Variants in TSPAN11 observed in about 807,000 individuals in gnomAD.
The protein encoded by TSPAN11 is tetraspanin-11.
Under a neutral mutation model 32.9 loss-of-function variants are expected in TSPAN11, and 29 were observed. That is an observed-to-expected ratio of 0.88 (90% CI 0.66 to 1.20). The LOEUF (loss-of-function observed/expected upper bound fraction) is 1.20, where lower values mean the gene tolerates loss of function less well. Ranked by LOEUF, TSPAN11 falls within the 50% of genes most tolerant of loss-of-function variation. The pLI is 0.00. For missense variants in TSPAN11, 283 were observed against 329.1 expected, an observed-to-expected ratio of 0.86 and a Z score of 1.08; for synonymous variants, 140 against 141.3, an observed-to-expected ratio of 0.99 and a Z score of 0.07.
In TSPAN11 at chr12:30,972,768, C is replaced by T. The variant is rs539579738; in HGVS notation, c.277-5793C>T. Among the ~76,000 whole-genome samples the T allele has an allele frequency of 1.6e-4, 23 of 141,296 alleles. 1 individual carries two copies. In the East Asian group the frequency reaches 3.4e-3, roughly 21 times the overall value. 92.7% of individuals were successfully genotyped at this position (141,296 alleles called of 152,430 possible). On this transcript the variant is annotated intron_variant, in intron 3 of 7. Coordinates refer to ENST00000546076, the MANE Select transcript of TSPAN11 (RefSeq NM_001370302.1). ...GGGAGGAGCAGGTGAAAGTTGCTCT[C>T]GTGCCATTCTTGGCAAAGAGGAAAG...
chr12:30,977,467 TG>T (rs1373640595), intron 3 of TSPAN11, among the ~76,000 whole-genome samples: 1 of 152,200 alleles, frequency 6.6e-6, no homozygotes, highest in African/African-American at 2.4e-5. Flanking sequence ...GGGGGCAGCC[TG>T]GGTGGCAGGT....
At chr12:30,986,992 T>G (rs1314913217) in intron 7 of TSPAN11, among the ~76,000 whole-genome samples, 1 of 152,202 alleles carries the variant, frequency 6.6e-6, no homozygotes, top group Non-Finnish European at 1.5e-5. Context: ...GCATTTCTGG[T>G]CTGTTGTATG....
the TSPAN11 span, among the ~76,000 whole-genome samples, chr12:31,013,404 C>G: frequency 1.3e-4 from 20 of 150,222 alleles, no homozygotes; most frequent in South Asian, 2.2e-4. Context: ...AGACTCCTAT[C>G]TCTACCAAAA....
rs1386973489 is a variant in TSPAN11, at chr12:30,982,628, T to G, written c.553T>G (p.Cys185Gly). The G allele has an allele frequency of 1.2e-6, 2 of 1,612,362 alleles. No homozygotes were observed. Among genetic ancestry groups the G allele is most frequent in the Non-Finnish European group, 1.7e-6 (2 of 1,179,548 alleles). ...GGGCCGCCAGGTGCCCGACAGCTGCTGCAAGACAGTGGTGGTGCGCTGCGG... is the reference window on the plus strand; with the variant it reads ...GGGCCGCCAGGTGCCCGACAGCTGCGGCAAGACAGTGGTGGTGCGCTGCGG... ...AEGRQVPDSC[C>G]KTVVVRCGQR... The change falls in exon 6 of 8, where the codon TGC becomes GGC. Residue 185 changes from cysteine (C) to glycine (G), a missense_variant. By Grantham distance (159) the Cys-to-Gly change is radical. Coordinates refer to ENST00000546076, the MANE Select transcript of TSPAN11 (RefSeq NM_001370302.1).
At chr12:30,931,965 G>A (rs1029919755) in intron 1 of TSPAN11, among the ~76,000 whole-genome samples, 1 of 149,172 alleles carries the variant, frequency 6.7e-6, no homozygotes, top group African/African-American at 2.5e-5. Flanking sequence ...AGCAACGAGT[G>A]CAAAGCTTGG....
downstream of TSPAN11, among the ~76,000 whole-genome samples, chr12:30,998,757 G>C (rs754129617): frequency 1.3e-5 from 2 of 152,212 alleles, no homozygotes; most frequent in Non-Finnish European, 2.9e-5. Flanking sequence ...TAATGTTCCC[G>C]TGATGGGGAT....
At chr12:31,007,731 C>T in the TSPAN11 span, among the ~76,000 whole-genome samples, 1 of 152,188 alleles carries the variant, frequency 6.6e-6, no homozygotes, top group African/African-American at 2.4e-5. Flanking sequence ...AATGGGAAGA[C>T]TTTTTTGTTT....
chr12:30,935,147 G>A (rs1938017123), intron 1 of TSPAN11, among the ~76,000 whole-genome samples: 1 of 152,058 alleles, frequency 6.6e-6, no homozygotes, highest in Admixed American at 6.5e-5. Flanking sequence ...GCGGAGAGGT[G>A]AGCAAACAGC....
intron 3 of TSPAN11, 67 bp from the exon 4 acceptor site, chr12:30,978,492 CTG>C (rs2065312623): frequency 5.4e-6 from 8 of 1,473,388 alleles, no homozygotes; most frequent in African/African-American, 1.4e-5. Flanking sequence ...ACCCCCACCA[CTG>C]TGGGGAAACA....
the TSPAN11 span, among the ~76,000 whole-genome samples, chr12:31,016,452 GA>G: frequency 1.3e-5 from 2 of 151,738 alleles, no homozygotes; most frequent in African/African-American, 2.4e-5. Context: ...AAAGCTGGTA[GA>G]AAGAAAAGAA....
At chr12:31,008,033 A>C in the TSPAN11 span, among the ~76,000 whole-genome samples, 1 of 152,172 alleles carries the variant, frequency 6.6e-6, no homozygotes, top group Non-Finnish European at 1.5e-5. Flanking sequence ...CCCTGGAACC[A>C]CAGAGAGGCA....
the TSPAN11 span, chr12:31,015,772 C>G: frequency 1.6e-4 from 24 of 152,216 alleles, no homozygotes; most frequent in Admixed American, 2.6e-4. The surrounding 1 kb of genome is among the most constrained non-coding windows in gnomAD (Gnocchi z 4.9). Context: ...ATAAAGCCAG[C>G]AGCCATGTCC....
At chr12:30,927,341 C>A (rs185385061) in intron 1 of TSPAN11, among the ~76,000 whole-genome samples, 2 of 152,320 alleles carry the variant, frequency 1.3e-5, no homozygotes, top group Admixed American at 1.3e-4. Context: ...GTTTTCGTGC[C>A]CATCCCTGCA....
chr12:30,961,038 A>G (rs1415721646), intron 2 of TSPAN11, among the ~76,000 whole-genome samples: 2 of 151,428 alleles, frequency 1.3e-5, no homozygotes, highest in Non-Finnish European at 2.9e-5. Flanking sequence ...GGAAAAAAAA[A>G]AAAAAGAAAA....
chr12:30,942,310 C>A (rs1938182753), intron 1 of TSPAN11, among the ~76,000 whole-genome samples: 1 of 152,164 alleles, frequency 6.6e-6, no homozygotes, highest in African/African-American at 2.4e-5. Flanking sequence ...CAAAGCCAGC[C>A]CAGCATCATC....
chr12:30,958,174 A>T (rs1938538109), intron 2 of TSPAN11, among the ~76,000 whole-genome samples: 1 of 152,066 alleles, frequency 6.6e-6, no homozygotes, highest in Admixed American at 6.5e-5. Context: ...AGTAAGACTC[A>T]TGAGATTTTG....
At chr12:30,962,914 A>C (rs560481821) in intron 2 of TSPAN11, among the ~76,000 whole-genome samples, 1 of 152,332 alleles carries the variant, frequency 6.6e-6, no homozygotes, top group African/African-American at 2.4e-5. Flanking sequence ...GCATGTGTGC[A>C]TACACACACA....
At chr12:30,957,227 G>A (rs1938496599) in intron 2 of TSPAN11, among the ~76,000 whole-genome samples, 1 of 59,764 alleles carries the variant, frequency 1.7e-5, no homozygotes, top group Non-Finnish European at 3.5e-5. Flanking sequence ...AATGGCCTGG[G>A]ACCCCCCCCC....
At chr12:30,950,915 C>G (rs536638137) in intron 1 of TSPAN11, among the ~76,000 whole-genome samples, 21 of 152,262 alleles carry the variant, frequency 1.4e-4, no homozygotes, top group Non-Finnish European at 2.5e-4. Context: ...TTTGATCTAC[C>G]AGAATGATAT....
Sources: gnomAD v4.1 joint callset for allele counts (sites outside exome capture counted in the v4.1 genomes callset) on GRCh38, gnomAD v4.1.1 for gene constraint, Gnocchi (gnomAD v3.1) non-coding constraint, MANE v1.5 for transcripts, NCBI Gene and HGNC (gene_info 2026-07-23, HGNC 2026-07-21) for gene names.